NLK: variants seen among roughly 807,000 people sequenced by gnomAD.
NLK encodes nemo like kinase.
A neutral mutation model predicts 59.0 loss-of-function variants in NLK; 11 were observed. The ratio of observed to expected loss-of-function variants is 0.19; its 90% CI spans 0.12 to 0.31. The LOEUF (loss-of-function observed/expected upper bound fraction) is 0.31, where lower values mean the gene tolerates loss of function less well. Among genes scored for constraint, NLK ranks in the 10% least tolerant of loss-of-function variants. The pLI is 1.00. For missense variants in NLK, 410 were observed against 661.1 expected, an observed-to-expected ratio of 0.62 and a Z score of 4.16; for synonymous variants, 235 against 235.9, an observed-to-expected ratio of 1.00 and a Z score of 0.03.
intron 4 of NLK, among the ~76,000 whole-genome samples, chr17:28,162,795 C>T (rs955029141): frequency 2.0e-5 from 3 of 151,906 alleles, no homozygotes; most frequent in African/African-American, 7.3e-5. Flanking sequence ...GGTACATGCC[C>T]GTAGTTCCCA....
chr17:28,160,947 C>G (rs150224118), intron 3 of NLK, among the ~76,000 whole-genome samples: 3 of 152,110 alleles, frequency 2.0e-5, no homozygotes, highest in African/African-American at 7.2e-5. Flanking sequence ...ATCATTTGGT[C>G]GTTTACTTCT....
chr17:28,069,302 C>T (rs76034594), intron 1 of NLK, among the ~76,000 whole-genome samples: 2,396 of 152,266 alleles, frequency 0.016, 33 homozygotes, highest in Non-Finnish European at 0.023. Flanking sequence ...ATGAATATAG[C>T]ACAGTTTGTT....
chr17:28,172,593 A>G lies in NLK; in HGVS notation c.1124A>G (p.His375Arg). The G allele has an allele frequency of 6.3e-7, 1 of 1,583,172 alleles. No individual in the cohort carries two copies. The highest frequency in any genetic ancestry group is 8.6e-7 in the Non-Finnish European group (1 of 1,165,226). ...ACAGCTTGTGAAGGCGCTAAGGCAC[A>G]TATACTCAGGGGTCCTCATAAACAG... ...MRTACEGAKA[H>R]ILRGPHKQPS... Residue 375 changes from histidine (H) to arginine (R), a missense_variant, in exon 7 of 11, where the codon CAT becomes CGT. His to Arg is a conservative substitution (Grantham distance 29, BLOSUM62 0). This residue lies in a region of NLK where 150 missense variants were observed against 244.3 expected (regional missense o/e 0.61). Coordinates refer to ENST00000407008, the MANE Select transcript of NLK (RefSeq NM_016231.5).
intron 1 of NLK, among the ~76,000 whole-genome samples, chr17:28,046,053 C>T (rs1205680946): frequency 6.6e-6 from 1 of 152,152 alleles, no homozygotes; most frequent in Non-Finnish European, 1.5e-5. Context: ...ACTGTATTTG[C>T]CCACATTTCC....
At chr17:28,116,245 C>T (rs1905764086) in intron 1 of NLK, 2 of 185,562 alleles carry the variant, frequency 1.1e-5, no homozygotes, top group Admixed American at 4.9e-5. Flanking sequence ...TTTGGTCCAA[C>T]TTAATGAAAC....
At chr17:28,070,347 G>A (rs950583162) in intron 1 of NLK, among the ~76,000 whole-genome samples, 2 of 150,268 alleles carry the variant, frequency 1.3e-5, no homozygotes. Context: ...TTTTCCATCT[G>A]AAATTAATTT....
chr17:28,094,311 T>A (rs1904619308), intron 1 of NLK, among the ~76,000 whole-genome samples: 1 of 152,240 alleles, frequency 6.6e-6, no homozygotes, highest in Non-Finnish European at 1.5e-5. Context: ...AGATTGCTTT[T>A]GTCTTAAGAA....
At chr17:28,104,533 C>T (rs1034676799) in intron 1 of NLK, among the ~76,000 whole-genome samples, 1 of 152,012 alleles carries the variant, frequency 6.6e-6, no homozygotes, top group African/African-American at 2.4e-5. Flanking sequence ...GGATTACAGG[C>T]GTGAGCCACT....
chr17:28,194,854 G>C lies in NLK; in HGVS notation c.*218G>C. 2 of 388,480 alleles carry C rather than the reference G, an allele frequency of 5.1e-6. No individual in the cohort carries two copies. The highest frequency in any genetic ancestry group is 2.2e-4 in the South Asian group (2 of 9,106). The allele number at this position is 388,480 out of a possible 1,614,324, so 24.1% of individuals were successfully genotyped here. ...TTTTAGAAGAAAAATATTTTACCCA[G>C]AGTTGCACATGTTTTATGAATTTAG... On this transcript the variant is annotated 3_prime_UTR_variant, in exon 11 of 11. Transcript: ENST00000407008.
chr17:28,110,261 T>C (rs1210570198), intron 1 of NLK, among the ~76,000 whole-genome samples: 1 of 152,154 alleles, frequency 6.6e-6, no homozygotes, highest in African/African-American at 2.4e-5. Flanking sequence ...ACTTCATTTT[T>C]GAAGGATAGG....
chr17:28,052,678 A>G (rs1387490646), intron 1 of NLK, among the ~76,000 whole-genome samples: 1 of 152,200 alleles, frequency 6.6e-6, no homozygotes, highest in Non-Finnish European at 1.5e-5. Flanking sequence ...TTAGTAATGT[A>G]TTTTAACTCT....
chr17:28,097,072 C>T (rs547779672), intron 1 of NLK, among the ~76,000 whole-genome samples: 1 of 152,200 alleles, frequency 6.6e-6, no homozygotes, highest in South Asian at 2.1e-4. Flanking sequence ...ATTCTTTTTC[C>T]ATCTAATGAA....
chr17:28,164,171 A>G (rs1327059704), intron 5 of NLK, among the ~76,000 whole-genome samples: 1 of 152,094 alleles, frequency 6.6e-6, no homozygotes, highest in African/African-American at 2.4e-5. Flanking sequence ...GGAGTTCAAG[A>G]CCAGCCTGGG....
In NLK at chr17:28,137,621, G is replaced by A. The variant is rs746118246; in HGVS notation, c.644+4946G>A. Among the ~76,000 whole-genome samples, 45 of 152,026 alleles carry A rather than the reference G, an allele frequency of 3.0e-4. 2 individuals carry two copies. The highest frequency in any genetic ancestry group is 3.4e-3 in the Middle Eastern group (1 of 294). ...TAATCAGATGTAAAGTAAGAGTATCGGTGTATAGTATCATGCAGTTAATCA... is the reference window on the plus strand; with the variant it reads ...TAATCAGATGTAAAGTAAGAGTATCAGTGTATAGTATCATGCAGTTAATCA... On this transcript the variant is annotated intron_variant, in intron 3 of 10. Coordinates refer to ENST00000407008, the MANE Select transcript of NLK (RefSeq NM_016231.5).
chr17:28,101,502 T>C (rs1307789457), intron 1 of NLK, among the ~76,000 whole-genome samples: 1 of 152,252 alleles, frequency 6.6e-6, no homozygotes, highest in African/African-American at 2.4e-5. Context: ...CATCTTTCAT[T>C]AAATTTATTT....
At chr17:28,078,079 CTCAT>C (rs972519908) in intron 1 of NLK, among the ~76,000 whole-genome samples, 3 of 151,984 alleles carry the variant, frequency 2.0e-5, no homozygotes, top group Non-Finnish European at 4.4e-5. Flanking sequence ...AATGCCTCTA[CTCAT>C]TCAATCAGCT....
intron 1 of NLK, among the ~76,000 whole-genome samples, chr17:28,064,407 C>T (rs1407449527): frequency 6.6e-6 from 1 of 151,988 alleles, no homozygotes; most frequent in Non-Finnish European, 1.5e-5. Flanking sequence ...CCTCTTTTCC[C>T]AAAGTGTTGG....
chr17:28,071,225 G>A (rs758695305), intron 1 of NLK, among the ~76,000 whole-genome samples: 12 of 152,304 alleles, frequency 7.9e-5, no homozygotes, highest in African/African-American at 7.2e-5. Context: ...GTCAGATAGC[G>A]TAAGTCTTCC....
chr17:28,165,721 G>A (rs987485011), intron 5 of NLK, among the ~76,000 whole-genome samples: 1 of 152,124 alleles, frequency 6.6e-6, no homozygotes, highest in African/African-American at 2.4e-5. Context: ...TTCCAAATAA[G>A]TTGCTAAAAA....
Sources: gnomAD v4.1 joint callset for allele counts (sites outside exome capture counted in the v4.1 genomes callset) on GRCh38, gnomAD v4.1.1 for gene constraint, gnomAD v4.1.1 regional missense constraint, MANE v1.5 for transcripts, NCBI Gene and HGNC (gene_info 2026-07-23, HGNC 2026-07-21) for gene names.